The following KIAA1143 variants were observed in gnomAD, a reference collection of about 807,000 sequenced individuals.
The protein encoded by KIAA1143 is uncharacterized protein KIAA1143.
KIAA1143 carries 8 observed loss-of-function variants against 17.0 expected under a neutral mutation model. The observed-to-expected ratio is 0.47, with a 90% CI of 0.28 to 0.85. The LOEUF is 0.85. KIAA1143 is among the 40% of genes least tolerant of loss of function. The probability of loss-of-function intolerance (pLI) is 0.12; values close to 1 mark genes in which losing one functional copy is unlikely to be tolerated. For synonymous variants in KIAA1143, 64 were observed against 67.8 expected (o/e 0.94, Z 0.27); for missense variants, 162 against 183.3 (o/e 0.88, Z 0.67).
chr3:44,757,714 T>C (rs1210643411), intron 1 of KIAA1143, among the ~76,000 whole-genome samples: 3 of 152,104 alleles, frequency 2.0e-5, no homozygotes, highest in African/African-American at 4.8e-5. Context: ...GAGTAACTGT[T>C]TGGAGAGCTT....
intron 1 of KIAA1143, among the ~76,000 whole-genome samples, chr3:44,756,973 T>C (rs969496153): frequency 1.3e-5 from 2 of 152,196 alleles, no homozygotes; most frequent in African/African-American, 4.8e-5. Flanking sequence ...ATACTGTATA[T>C]TGCCAAACTG....
At chr3:44,757,742 AT>A (rs1272015199) in intron 1 of KIAA1143, among the ~76,000 whole-genome samples, 1 of 152,226 alleles carries the variant, frequency 6.6e-6, no homozygotes, top group Non-Finnish European at 1.5e-5. Flanking sequence ...TTTCGGAGAG[AT>A]GGTAACTTGT....
chr3:44,754,866 C>T (rs573438928), intron 1 of KIAA1143, among the ~76,000 whole-genome samples: 1 of 152,192 alleles, frequency 6.6e-6, no homozygotes, highest in Non-Finnish European at 1.5e-5. Flanking sequence ...CTATTTTCCA[C>T]GTCTATACAA....
chr3:44,753,421 C>A lies in KIAA1143; in HGVS notation c.385G>T (p.Asp129Tyr), dbSNP rs1344910569. ...TTTTGTGAGTTCTTTTTGACCGAGT[C>A]CTGATTTACTTCATCTTCATTTGGC... Reference protein sequence around the residue: ...KKPNEDEVNQDSVKKNSQKQI... With the variant: ...KKPNEDEVNQYSVKKNSQKQI... Residue 129 changes from aspartate to tyrosine, a missense_variant, in exon 3 of 3, where the codon GAC (aspartate) becomes TAC (tyrosine). Around this residue, in one of 2 missense-constraint regions of KIAA1143, gnomAD observed 25 missense variants for 50.8 expected, o/e 0.49. Coordinates refer to ENST00000296121, the MANE Select transcript of KIAA1143 (RefSeq NM_020696.4). 1 of 1,595,722 alleles carries A rather than the reference C, an allele frequency of 6.3e-7. No individual in the cohort carries two copies. Among genetic ancestry groups the A allele is most frequent in the African/African-American group, 1.3e-5 (1 of 74,596 alleles).
intron 1 of KIAA1143, among the ~76,000 whole-genome samples, chr3:44,756,823 T>C (rs758937102): frequency 1.3e-5 from 2 of 152,210 alleles, no homozygotes; most frequent in Non-Finnish European, 2.9e-5. Context: ...TTGTTATGAT[T>C]GTTCTATTAT....
chr3:44,757,087 G>A (rs536607833), intron 1 of KIAA1143, among the ~76,000 whole-genome samples: 1 of 152,136 alleles, frequency 6.6e-6, no homozygotes, highest in Non-Finnish European at 1.5e-5. Flanking sequence ...ACTTGGAAAG[G>A]ATTCCCGAAG....
rs2125878174 is a variant in KIAA1143 at position 44,749,731 on chromosome 3, G to T, written c.*3610C>A. ...TCTAATAAATTCCAGATAGAATAAAGGTTAATGTGAATAAACAAAAACAAA... is the reference window on the plus strand; with the variant it reads ...TCTAATAAATTCCAGATAGAATAAATGTTAATGTGAATAAACAAAAACAAA... On this transcript the variant is annotated 3_prime_UTR_variant, in exon 3 of 3. Transcript: ENST00000296121. The T allele has an allele frequency of 6.6e-6, 1 of 152,236 alleles. No individual in the cohort carries two copies. Among genetic ancestry groups the T allele is most frequent in the Admixed American group, 6.5e-5 (1 of 15,292 alleles). The allele number at this position is 152,236 out of a possible 1,614,324, so 9.4% of individuals were successfully genotyped here.
Position 44,753,550 on chromosome 3 carries a change from C to T in KIAA1143, c.256G>A (p.Glu86Lys), listed in dbSNP as rs1704923682. 1 of 1,606,556 alleles carries T rather than the reference C, an allele frequency of 6.2e-7. No individual in the cohort carries two copies. Among genetic ancestry groups the T allele is most frequent in the Non-Finnish European group, 8.5e-7 (1 of 1,176,524 alleles). ...CTTCCATCGGCTGGAGTTGGTTCTT[C>T]ATCTGAGCAAAAACAGAATTTTTAA... ...KAEIKAAKAD[E>K]EPTPADGRII... is the part of the protein sequence containing the mutation. Residue 86 changes from glutamate to lysine, a missense_variant and splice_region_variant, in exon 3 of 3, where the codon GAA (glutamate) becomes AAA (lysine). By Grantham distance (56) the Glu-to-Lys change is moderately conservative (BLOSUM62 1). Around this residue, in one of 2 missense-constraint regions of KIAA1143, gnomAD observed 137 missense variants for 132.5 expected, o/e 1.03. Coordinates refer to ENST00000296121, the MANE Select transcript of KIAA1143 (RefSeq NM_020696.4).
In KIAA1143 at chr3:44,753,568, A is replaced by C. The variant is rs1286458884; in HGVS notation, c.254-16T>G. ...GGTTCTTCATCTGAGCAAAAACAGA[A>C]TTTTTAAGAACTTTCTTCTCCTCAT... is the stretch of plus-strand genomic sequence containing the variant. On this transcript the variant is annotated splice_polypyrimidine_tract_variant and intron_variant, in intron 2 of 2. Transcript: ENST00000296121. 6.3e-7 allele frequency: 1 copy of C among 1,594,364 alleles called. No homozygotes were observed. The highest frequency in any genetic ancestry group is 1.1e-5 in the South Asian group (1 of 87,762).
chr3:44,757,288 T>G (rs1016238558), intron 1 of KIAA1143, among the ~76,000 whole-genome samples: 2 of 152,180 alleles, frequency 1.3e-5, no homozygotes, highest in South Asian at 4.1e-4. Flanking sequence ...AGTCATTCCC[T>G]GTGTTACCTC....
intron 1 of KIAA1143, among the ~76,000 whole-genome samples, chr3:44,760,789 G>A (rs961514705): frequency 6.8e-6 from 1 of 147,426 alleles, no homozygotes; most frequent in African/African-American, 2.5e-5. Context: ...GGGTTCGAGC[G>A]ATTCTGTCTC....
At chr3:44,758,772 G>A (rs941097583) in intron 1 of KIAA1143, among the ~76,000 whole-genome samples, 4 of 152,046 alleles carry the variant, frequency 2.6e-5, no homozygotes, top group Non-Finnish European at 4.4e-5. Context: ...TTAGAATGGT[G>A]AAGCCTTTCC....
intron 1 of KIAA1143, among the ~76,000 whole-genome samples, chr3:44,757,403 ACAC>A (rs1220880379): frequency 6.6e-6 from 1 of 152,048 alleles, no homozygotes; most frequent in Non-Finnish European, 1.5e-5. Flanking sequence ...TCAAATCTCT[ACAC>A]CTTTACCCAT....
At chr3:44,757,207 C>T (rs944460297) in intron 1 of KIAA1143, among the ~76,000 whole-genome samples, 3 of 152,200 alleles carry the variant, frequency 2.0e-5, no homozygotes, top group Non-Finnish European at 2.9e-5. Flanking sequence ...TTCTCCTCAT[C>T]GCTCAATCTA....
intron 1 of KIAA1143, among the ~76,000 whole-genome samples, chr3:44,757,808 G>A (rs184135976): frequency 1.3e-5 from 2 of 152,276 alleles, no homozygotes; most frequent in South Asian, 2.1e-4. Flanking sequence ...CCATCTCTTC[G>A]TCCTTTCAGA....
At chr3:44,761,334 C>A (rs1575562037) in intron 1 of KIAA1143, among the ~76,000 whole-genome samples, 161 bp downstream of exon 1, 7 of 152,268 alleles carry the variant, frequency 4.6e-5, no homozygotes, top group Admixed American at 6.5e-5. Context: ...GGGCTGTGGT[C>A]GCTTGAAAAG....
chr3:44,761,535 T>A lies in KIAA1143; in HGVS notation c.68A>T (p.Glu23Val). The A allele has an allele frequency of 6.2e-7, 1 of 1,614,094 alleles. No individual in the cohort carries two copies. Among genetic ancestry groups the A allele is most frequent in the Non-Finnish European group, 8.5e-7 (1 of 1,180,014 alleles). ...AEPAFLARFK[E>V]RVGYREGPTV... Reference sequence around the variant, plus strand: ...GGGTCCCTCCCTGTAGCCGACCCGTTCCTTGAAGCGGGCCAGAAACGCCGG... The same window carrying A: ...GGGTCCCTCCCTGTAGCCGACCCGTACCTTGAAGCGGGCCAGAAACGCCGG... Residue 23 changes from glutamate to valine, a missense_variant, in exon 1 of 3, where the codon GAA becomes GTA. By Grantham distance (121) the Glu-to-Val change is moderately radical (BLOSUM62 -2). Around this residue, in one of 2 missense-constraint regions of KIAA1143, gnomAD observed 137 missense variants for 132.5 expected, o/e 1.03. Transcript: ENST00000296121.
In KIAA1143 at chr3:44,754,376, A is replaced by C; in HGVS notation, c.109-8T>G. Reference sequence around the variant, plus strand: ...GGGCTGAGGCTGAATTCTCTAGGGAAAAACACAAATACAATGTGTAGATCA... The same window carrying C: ...GGGCTGAGGCTGAATTCTCTAGGGACAAACACAAATACAATGTGTAGATCA... On this transcript the variant is annotated splice_polypyrimidine_tract_variant and splice_region_variant and intron_variant, in intron 1 of 2. Coordinates refer to ENST00000296121, the MANE Select transcript of KIAA1143 (RefSeq NM_020696.4). The C allele has an allele frequency of 6.2e-7, 1 of 1,613,460 alleles. No individual in the cohort carries two copies. Among genetic ancestry groups the C allele is most frequent in the South Asian group, 1.1e-5 (1 of 91,054 alleles).
In KIAA1143 at chr3:44,751,095, T is replaced by C. The variant is rs374445805; in HGVS notation, c.*2246A>G. Reference sequence around the variant, plus strand: ...CAAAGCCAATCTAGGAGAGTCTATATGGACAATGATTCTTGTTGCACTTTG... The same window carrying C: ...CAAAGCCAATCTAGGAGAGTCTATACGGACAATGATTCTTGTTGCACTTTG... On this transcript the variant is annotated 3_prime_UTR_variant, in exon 3 of 3. Transcript: ENST00000296121. 1 of 151,822 alleles carries C rather than the reference T, an allele frequency of 6.6e-6. No homozygotes were observed. Among genetic ancestry groups the C allele is most frequent in the African/African-American group, 2.4e-5 (1 of 41,302 alleles). The allele number at this position is 151,822 out of a possible 1,614,324, so 9.4% of individuals were successfully genotyped here.
Sources: gnomAD v4.1 joint callset for allele counts (sites outside exome capture counted in the v4.1 genomes callset) on GRCh38, gnomAD v4.1.1 for gene constraint, gnomAD v4.1.1 regional missense constraint, MANE v1.5 for transcripts, NCBI Gene and HGNC (gene_info 2026-07-23, HGNC 2026-07-21) for gene names.